CTNNBL1: variants seen among roughly 807,000 people sequenced by gnomAD.
CTNNBL1 encodes beta-catenin-like protein 1.
In CTNNBL1, 31 loss-of-function variants were observed where a neutral mutation model predicts 72.7. That is an observed-to-expected ratio of 0.43 (90% CI 0.32 to 0.58). The LOEUF is 0.58. Ranked by LOEUF, CTNNBL1 falls within the 20% of genes least tolerant of loss-of-function variation. The pLI, the probability that CTNNBL1 is intolerant of heterozygous loss-of-function variation, is 0.08. For missense variants in CTNNBL1, 534 were observed against 725.1 expected (o/e 0.74, Z 3.03); for synonymous variants, 240 against 267.3 (o/e 0.90, Z 1.00).
chr20:37,708,935 G>A (rs758811187), intron 1 of CTNNBL1, among the ~76,000 whole-genome samples: 8 of 152,062 alleles, frequency 5.3e-5, no homozygotes, highest in Admixed American at 6.5e-5. Flanking sequence ...TCAAGAGATC[G>A]AGACCATCCT....
rs1379173552 is a variant in CTNNBL1 at position 37,724,717 on chromosome 20, CA to C, written c.31-8160del. Among the ~76,000 whole-genome samples the C allele has an allele frequency of 4.6e-5, 7 of 152,170 alleles. No homozygotes were observed. In the East Asian group the frequency reaches 1.3e-3, roughly 29 times the overall value. On this transcript the variant is annotated intron_variant, in intron 1 of 15. Transcript: ENST00000361383. ...AAGAAGTTGTGGATCCAGATGTACACAAGCATTTTCCGAGAAATGAGTACAT... is the reference window on the plus strand; with the variant it reads ...AAGAAGTTGTGGATCCAGATGTACACAGCATTTTCCGAGAAATGAGTACAT...
At chr20:37,717,357 A>G (rs562029007) in intron 1 of CTNNBL1, among the ~76,000 whole-genome samples, 261 of 152,312 alleles carry the variant, frequency 1.7e-3, no homozygotes, top group African/African-American at 6.0e-3. Context: ...CCATTGTGTG[A>G]GTTCGCTGGT....
At chr20:37,817,675 G>T (rs1207466036) in intron 11 of CTNNBL1, among the ~76,000 whole-genome samples, 3 of 152,218 alleles carry the variant, frequency 2.0e-5, no homozygotes, top group Non-Finnish European at 4.4e-5. Flanking sequence ...TTAAAATGCA[G>T]ATTGTGCTTC....
chr20:37,849,600 A>G (rs1348594754), intron 13 of CTNNBL1, among the ~76,000 whole-genome samples: 1 of 152,222 alleles, frequency 6.6e-6, no homozygotes, highest in Non-Finnish European at 1.5e-5. Flanking sequence ...TGGCAAACAA[A>G]TTAGTCAATA....
At chr20:37,828,529 G>A (rs1464062135) in intron 11 of CTNNBL1, among the ~76,000 whole-genome samples, 1 of 152,182 alleles carries the variant, frequency 6.6e-6, no homozygotes, top group Non-Finnish European at 1.5e-5. Context: ...TGAGTCTCTA[G>A]TTCCTTGTCT....
At chr20:37,753,039 CTCA>C in intron 4 of CTNNBL1, among the ~76,000 whole-genome samples, 1 of 152,210 alleles carries the variant, frequency 6.6e-6, no homozygotes, top group South Asian at 2.1e-4. Flanking sequence ...GCTGAATTTT[CTCA>C]TCAAGATTGA....
chr20:37,731,829 A>G (rs2073131532), intron 1 of CTNNBL1, among the ~76,000 whole-genome samples: 1 of 152,234 alleles, frequency 6.6e-6, no homozygotes, highest in Non-Finnish European at 1.5e-5. Context: ...TGACGGACAC[A>G]TAGGTTGCTT....
At chr20:37,844,232 G>T (rs891335232) in intron 13 of CTNNBL1, among the ~76,000 whole-genome samples, 1 of 152,140 alleles carries the variant, frequency 6.6e-6, no homozygotes, top group African/African-American at 2.4e-5. Context: ...TTGAGGGGTG[G>T]CAAAGAGAAG....
At chr20:37,784,923 T>C (rs2073659081) in intron 10 of CTNNBL1, among the ~76,000 whole-genome samples, 1 of 152,242 alleles carries the variant, frequency 6.6e-6, no homozygotes, top group African/African-American at 2.4e-5. Context: ...AGGATGGGTC[T>C]GGTGTTGATG....
chr20:37,833,900 T>C (rs911967756), intron 11 of CTNNBL1, among the ~76,000 whole-genome samples: 12 of 152,174 alleles, frequency 7.9e-5, no homozygotes, highest in African/African-American at 2.9e-4. Flanking sequence ...TGTGTGTATA[T>C]ATGTGTAAAT....
chr20:37,834,037 A>G (rs1043501818), intron 11 of CTNNBL1, among the ~76,000 whole-genome samples: 3 of 152,236 alleles, frequency 2.0e-5, no homozygotes, highest in Non-Finnish European at 4.4e-5. Context: ...TAAAATCCCA[A>G]ATAGGTAAAT....
intron 10 of CTNNBL1, among the ~76,000 whole-genome samples, chr20:37,782,723 G>T (rs959814491): frequency 1.3e-5 from 2 of 152,068 alleles, no homozygotes; most frequent in Non-Finnish European, 2.9e-5. Context: ...TTGAGACTAA[G>T]TTTTCAAAAT....
At chr20:37,814,800 A>G (rs1366745554) in intron 11 of CTNNBL1, among the ~76,000 whole-genome samples, 2 of 152,232 alleles carry the variant, frequency 1.3e-5, no homozygotes, top group East Asian at 3.8e-4. Flanking sequence ...GCTACTGGCC[A>G]GAATTCTCAC....
intron 11 of CTNNBL1, among the ~76,000 whole-genome samples, chr20:37,829,641 C>A (rs561034587): frequency 2.6e-5 from 4 of 152,202 alleles, no homozygotes; most frequent in Non-Finnish European, 5.9e-5. Flanking sequence ...TAATTTAATT[C>A]TTTACTTCAT....
intron 10 of CTNNBL1, among the ~76,000 whole-genome samples, chr20:37,779,947 A>C (rs1296501379): frequency 6.6e-6 from 1 of 152,132 alleles, no homozygotes; most frequent in Non-Finnish European, 1.5e-5. Flanking sequence ...AGTTAGAAGC[A>C]AAAAGGGGAG....
chr20:37,827,550 C>CT, intron 11 of CTNNBL1, among the ~76,000 whole-genome samples: 1 of 152,324 alleles, frequency 6.6e-6, no homozygotes, highest in Non-Finnish European at 1.5e-5. Flanking sequence ...TCTCCTAACT[C>CT]TAGCGTTCTC....
chr20:37,850,620 T>C (rs1444513407), intron 13 of CTNNBL1, among the ~76,000 whole-genome samples: 3 of 152,274 alleles, frequency 2.0e-5, no homozygotes, highest in Admixed American at 2.0e-4. Flanking sequence ...TCTAGGATTC[T>C]TCTCTAATAG....
chr20:37,753,502 G>A (rs753187622), intron 4 of CTNNBL1, among the ~76,000 whole-genome samples: 4 of 152,274 alleles, frequency 2.6e-5, no homozygotes, highest in Non-Finnish European at 4.4e-5. Flanking sequence ...CTTAGAGGCT[G>A]AAAAAGGACT....
intron 1 of CTNNBL1, among the ~76,000 whole-genome samples, chr20:37,698,100 T>C (rs2072808754): frequency 1.3e-5 from 2 of 152,230 alleles, no homozygotes; most frequent in Admixed American, 1.3e-4. Flanking sequence ...CTTTACATTT[T>C]CTATTGTATC....
Sources: allele counts gnomAD v4.1 joint callset (sites outside exome capture counted in the v4.1 genomes callset), GRCh38; gene constraint gnomAD v4.1.1; transcripts MANE v1.5; gene names NCBI Gene and HGNC (gene_info 2026-07-23, HGNC 2026-07-21).